SPRY3: variants seen among roughly 807,000 people sequenced by gnomAD.
SPRY3 encodes the protein protein sprouty homolog 3.
In SPRY3, 15 loss-of-function variants were observed where a neutral mutation model predicts 20.2. The ratio of observed to expected loss-of-function variants is 0.74; its 90% CI spans 0.50 to 1.14. The LOEUF is 1.14. Among genes scored for constraint, SPRY3 ranks in the 50% most tolerant of loss-of-function variants. The pLI is 0.00. For synonymous variants in SPRY3, 143 were observed against 136.5 expected, an observed-to-expected ratio of 1.05 and a Z score of -0.33; for missense variants, 364 against 363.9, an observed-to-expected ratio of 1.00 and a Z score of 0.00.
At chrX:155,708,316 C>T (rs1055811994) in intron 2 of SPRY3, among the ~76,000 whole-genome samples, 11 of 151,348 alleles carry the variant, frequency 7.3e-5, no homozygotes, top group Non-Finnish European at 1.2e-4. Flanking sequence ...AGATTTTTTT[C>T]TCTCAGCACT....
downstream of SPRY3, chrX:155,781,315 T>C: frequency 6.0e-6 from 1 of 167,174 alleles, no homozygotes. Flanking sequence ...TGGTTTTTTC[T>C]GAGTCAAAGT....
At chrX:155,747,710 G>A (rs1207937550) in intron 2 of SPRY3, among the ~76,000 whole-genome samples, 6 of 151,976 alleles carry the variant, frequency 3.9e-5, no homozygotes, top group Non-Finnish European at 8.8e-5. Flanking sequence ...AGGCAGCCAG[G>A]TCCTTGGCTT....
chrX:155,735,223 G>A (rs2091160240), intron 2 of SPRY3, among the ~76,000 whole-genome samples: 1 of 151,828 alleles, frequency 6.6e-6, no homozygotes. Flanking sequence ...TACTTTGTAT[G>A]ATTTTAATTA....
At chrX:155,775,005 G>T in exon 4 of SPRY3, 1 of 559,970 alleles carries the variant, frequency 1.8e-6, no homozygotes, top group Non-Finnish European at 3.2e-6. Context: ...TGATATATGG[G>T]TATGAGGTTT....
chrX:155,629,814 C>T (rs1280291049), intron 1 of SPRY3, among the ~76,000 whole-genome samples: 1 of 112,219 alleles, frequency 8.9e-6, no homozygotes, highest in East Asian at 2.8e-4. Context: ...GAGTTCCTTA[C>T]TTCCTTATTA....
intron 2 of SPRY3, among the ~76,000 whole-genome samples, chrX:155,660,817 C>T (rs781834979): frequency 1.9e-5 from 2 of 106,932 alleles, no homozygotes; most frequent in African/African-American, 6.9e-5. Flanking sequence ...AGTTAAAAGT[C>T]TGTTTTATCT....
At chrX:155,780,497 A>G (rs2124044814), downstream of SPRY3, 1 of 167,164 alleles carries the variant, frequency 6.0e-6, no homozygotes, top group East Asian at 1.9e-4. Flanking sequence ...GGAAAGGGAC[A>G]GTCATTTTTT....
At chrX:155,649,762 C>T (rs1397979960) in intron 1 of SPRY3, among the ~76,000 whole-genome samples, 4 of 111,019 alleles carry the variant, frequency 3.6e-5, no homozygotes, top group East Asian at 2.8e-4. Flanking sequence ...ATTGGAAGTC[C>T]GGCCAGGGTA....
At chrX:155,725,107 G>A (rs1469567168) in intron 2 of SPRY3, among the ~76,000 whole-genome samples, 4 of 152,046 alleles carry the variant, frequency 2.6e-5, no homozygotes, top group Non-Finnish European at 5.9e-5. Context: ...TTCCATTTAC[G>A]TGATGGATTA....
At chrX:155,734,526 G>A (rs973964632) in intron 2 of SPRY3, among the ~76,000 whole-genome samples, 1 of 151,672 alleles carries the variant, frequency 6.6e-6, no homozygotes, top group African/African-American at 2.4e-5. Flanking sequence ...AAATATAATA[G>A]TAATGAAAAA....
chrX:155,768,262 G>GC, intron 3 of SPRY3, 126 bp downstream of exon 2: 1 of 151,934 alleles, frequency 6.6e-6, no homozygotes, highest in East Asian at 2.0e-4. Context: ...TTGGGCGCGC[G>GC]CGCGCAAGCG....
intron 1 of SPRY3, among the ~76,000 whole-genome samples, chrX:155,635,191 C>A (rs2067919330): frequency 2.7e-5 from 3 of 111,034 alleles, no homozygotes; most frequent in African/African-American, 9.9e-5. Flanking sequence ...CCAGCTTCAT[C>A]CATCTCCCTG....
chrX:155,753,014 G>A (rs2091270055), intron 2 of SPRY3, among the ~76,000 whole-genome samples: 1 of 151,862 alleles, frequency 6.6e-6, no homozygotes, highest in Non-Finnish European at 1.5e-5. Context: ...TTCTGGCAAA[G>A]AGAAGAGTCA....
chrX:155,709,424 G>A (rs1084422), intron 2 of SPRY3, among the ~76,000 whole-genome samples: 14,574 of 151,726 alleles, frequency 0.096, 1 homozygote, highest in South Asian at 0.17. Flanking sequence ...CAATGATGCT[G>A]AGCCCTTTTT....
exon 4 of SPRY3, chrX:155,773,808 C>G: frequency 6.5e-7 from 1 of 1,548,512 alleles, no homozygotes; most frequent in Admixed American, 1.9e-5. Context: ...TACAAGGGCT[C>G]CTCTTTATCA....
At chrX:155,744,562 T>C (rs1419345539) in intron 2 of SPRY3, among the ~76,000 whole-genome samples, 1 of 152,088 alleles carries the variant, frequency 6.6e-6, no homozygotes, top group Non-Finnish European at 1.5e-5. Flanking sequence ...TTTAAAGTGT[T>C]TCTTTCAGTG....
intron 2 of SPRY3, among the ~76,000 whole-genome samples, chrX:155,732,907 T>A (rs2091143318): frequency 1.3e-5 from 2 of 151,818 alleles, no homozygotes; most frequent in Non-Finnish European, 2.9e-5. Flanking sequence ...AGAAGGACAA[T>A]CTTCGCTTTC....
At chrX:155,685,748 C>CT (rs1482517693) in intron 2 of SPRY3, among the ~76,000 whole-genome samples, 1 of 105,028 alleles carries the variant, frequency 9.5e-6, no homozygotes, top group Non-Finnish European at 1.9e-5. Flanking sequence ...TGATCTTGTT[C>CT]TTTTTTATAG....
intron 2 of SPRY3, among the ~76,000 whole-genome samples, chrX:155,755,739 C>T (rs950309603): frequency 2.0e-5 from 3 of 152,052 alleles, no homozygotes; most frequent in Non-Finnish European, 4.4e-5. Context: ...TTATTTTTAG[C>T]CTTTGGGCAT....
Sources: gnomAD v4.1 joint callset for allele counts (sites outside exome capture counted in the v4.1 genomes callset) on GRCh38, gnomAD v4.1.1 for gene constraint, MANE v1.5 for transcripts, NCBI Gene and HGNC (gene_info 2026-07-23, HGNC 2026-07-21) for gene names.